Variants in ABCF1 observed in about 807,000 individuals in gnomAD.
ABCF1 encodes the protein ATP binding cassette subfamily F member 1, also known as ATP-binding cassette sub-family F member 1.
Under a neutral mutation model 126.3 loss-of-function variants are expected in ABCF1, and 73 were observed. The ratio of observed to expected loss-of-function variants is 0.58; its 90% CI spans 0.48 to 0.70. ABCF1 has a LOEUF of 0.70. Among genes scored for constraint, ABCF1 ranks in the 30% least tolerant of loss-of-function variants. The pLI is 0.00. For synonymous variants in ABCF1, 345 were observed against 396.4 expected (o/e 0.87, Z 1.54); for missense variants, 786 against 1,057.5 (o/e 0.74, Z 3.56).
Position 30,590,587 on chromosome 6 carries a change from G to C in ABCF1, c.2424G>C (p.Gln808His), listed in dbSNP as rs770070204. 6.2e-7 allele frequency: 1 copy of C among 1,613,018 alleles called. No individual in the cohort carries two copies. Among genetic ancestry groups the C allele is most frequent in the Non-Finnish European group, 8.5e-7 (1 of 1,179,994 alleles). Residue 808 changes from glutamine to histidine, a missense_variant, in exon 25 of 25, where the codon CAG becomes CAC. By Grantham distance (24) the Gln-to-His change is conservative. Transcript: ENST00000326195. ...DARLITETNC[Q>H]LWVVEEQSVS... ...GACTCATCACAGAAACCAATTGCCAGCTGTGGGTGGTGGAGGAGCAGAGTG... is the reference window on the plus strand; with the variant it reads ...GACTCATCACAGAAACCAATTGCCACCTGTGGGTGGTGGAGGAGCAGAGTG...
At chr6:30,571,635 C>T in intron 1 of ABCF1, 75 bp downstream of exon 1, 3 of 1,500,336 alleles carry the variant, frequency 2.0e-6, no homozygotes, top group South Asian at 1.2e-5. Context: ...AAGAGAGGGT[C>T]ATGGGGCACG....
In ABCF1 at chr6:30,589,941, C is replaced by T. The variant is rs1166902373; in HGVS notation, c.2200C>T (p.His734Tyr). ...CCTGGGCCGCTTCGGCCTGGAGAGT[C>T]ACGCCCACACCATCCAGATCTGCAA... ...KCLGRFGLES[H>Y]AHTIQICKLS... Residue 734 changes from histidine (H) to tyrosine (Y), a missense_variant, in exon 22 of 25, where the codon CAC (histidine) becomes TAC (tyrosine). Physicochemically the swap from His to Tyr is moderately conservative, Grantham distance 83. Transcript: ENST00000326195. 6.2e-7 allele frequency: 1 copy of T among 1,613,764 alleles called. No individual in the cohort carries two copies. The highest frequency in any genetic ancestry group is 1.3e-5 in the African/African-American group (1 of 74,934).
chr6:30,575,163 A>G (rs1179334436), intron 1 of ABCF1, among the ~76,000 whole-genome samples: 1 of 143,616 alleles, frequency 7.0e-6, no homozygotes, highest in Non-Finnish European at 1.5e-5. Flanking sequence ...TCCACCTCCC[A>G]GGTACAAGCG....
rs1256673964 is a variant in ABCF1 at position 30,590,132 on chromosome 6, CCCTT to C, written c.2234-12_2234-9del. 3.7e-6 allele frequency: 6 copies of C among 1,612,884 alleles called. No homozygotes were observed. In the East Asian group the frequency reaches 1.1e-4, roughly 30 times the overall value. ...TGAGGTGCTAGGTGTGACAGCCCTCCCCTTCCTTTGCTACAGGTGGTCAGAAGGC... is the reference window on the plus strand; with the variant it reads ...TGAGGTGCTAGGTGTGACAGCCCTCCCCTTTGCTACAGGTGGTCAGAAGGC... On this transcript the variant is annotated splice_polypyrimidine_tract_variant and intron_variant, in intron 22 of 24. Transcript: ENST00000326195.
chr6:30,583,146 G>A lies in ABCF1; in HGVS notation c.873G>A (p.Met291Ile), dbSNP rs772442028. The A allele has an allele frequency of 7.4e-6, 12 of 1,611,220 alleles. No homozygotes were observed. The highest frequency in any genetic ancestry group is 1.7e-6 in the Non-Finnish European group (2 of 1,178,574). The part of the protein sequence containing the change: ...ENDFSVSQAE[M>I]SSRQAMLENA... ...ACTTCTCCGTGTCCCAGGCGGAGAT[G>A]TCCTCCCGCCAAGCCATGTTAGAAA... Residue 291 changes from methionine to isoleucine, a missense_variant, in exon 10 of 25, where the codon ATG becomes ATA. Met to Ile is a conservative substitution (Grantham distance 10). Transcript: ENST00000326195. This position sits in a 1 kb window ranked among gnomAD's most constrained non-coding sequence, Gnocchi z 4.1.
chr6:30,572,380 A>G (rs1344795906), intron 1 of ABCF1, among the ~76,000 whole-genome samples: 1 of 152,240 alleles, frequency 6.6e-6, no homozygotes, highest in Non-Finnish European at 1.5e-5. Flanking sequence ...CATTAACCAG[A>G]CAGACAGTGG....
Position 30,586,684 on chromosome 6 carries a change from CCTG to C in ABCF1, c.2011_2013del (p.Leu671del). 1.2e-6 allele frequency: 2 copies of C among 1,613,814 alleles called. No homozygotes were observed. The highest frequency in any genetic ancestry group is 1.7e-6 in the Non-Finnish European group (2 of 1,180,028). ...ATGGTGTGGGGAAGAGTACGCTACT[CCTG>C]CTGCTGACTGGCAAGCTGACACCGG... On this transcript the variant is annotated inframe_deletion, in exon 20 of 25. Coordinates refer to ENST00000326195, the MANE Select transcript of ABCF1 (RefSeq NM_001025091.2). The surrounding 1 kb of genome is among the most constrained non-coding windows in gnomAD (Gnocchi z 4.9).
chr6:30,584,560 T>C lies in ABCF1; in HGVS notation c.1385T>C (p.Leu462Pro). 6.3e-7 allele frequency: 1 copy of C among 1,596,670 alleles called. No homozygotes were observed. The highest frequency in any genetic ancestry group is 8.5e-7 in the Non-Finnish European group (1 of 1,170,938). The stretch of plus-strand genomic sequence containing the variant: ...GGGGGCTGGCGCATGCGTGTCTCCC[T>C]GGCCAGGTGGGCCATTCACCTCACT... ...FSGGWRMRVSLARALFMEPTL... is the reference protein window; with the variant it reads ...FSGGWRMRVSPARALFMEPTL... The change falls in exon 14 of 25, where the codon CTG becomes CCG. Residue 462 changes from leucine (L) to proline (P), a missense_variant. Leu to Pro is a moderately conservative substitution (Grantham distance 98, BLOSUM62 -3). This residue lies in a region of ABCF1 where 163 missense variants were observed against 255.3 expected (regional missense o/e 0.64). Coordinates refer to ENST00000326195, the MANE Select transcript of ABCF1 (RefSeq NM_001025091.2). This position sits in a 1 kb window ranked among gnomAD's most constrained non-coding sequence, Gnocchi z 4.6.
intron 8 of ABCF1, among the ~76,000 whole-genome samples, chr6:30,581,072 C>A (rs934457370): frequency 7.9e-5 from 12 of 151,526 alleles, no homozygotes; most frequent in African/African-American, 2.9e-4. Context: ...TTTAACAACT[C>A]TTTGAAAATA....
Position 30,578,278 on chromosome 6 carries a change from A to G in ABCF1, c.344-70A>G, listed in dbSNP as rs780907857. 1.6e-4 allele frequency: 262 copies of G among 1,613,534 alleles called. No homozygotes were observed. Among genetic ancestry groups the G allele is most frequent in the Non-Finnish European group, 2.2e-4 (257 of 1,179,736 alleles). The stretch of plus-strand genomic sequence containing the variant: ...GTGATACCTCATACCCTGATCTTCA[A>G]GTTGGATTCAATTGGGGGGCCAGAC... On this transcript the variant is annotated intron_variant, in intron 4 of 24. Transcript: ENST00000326195.
chr6:30,578,045 C>T (rs369802791), intron 3 of ABCF1, 31 bp from the exon 4 acceptor site: 48 of 1,613,822 alleles, frequency 3.0e-5, no homozygotes, highest in Non-Finnish European at 3.8e-5. Context: ...GCCTGGGCTT[C>T]ATTTTCTCAC....
At chr6:30,571,937 A>G (rs903556903) in intron 1 of ABCF1, among the ~76,000 whole-genome samples, 9 of 152,058 alleles carry the variant, frequency 5.9e-5, no homozygotes, top group African/African-American at 2.2e-4. Context: ...CTGCGCGCGC[A>G]TACACACACC....
intron 1 of ABCF1, among the ~76,000 whole-genome samples, chr6:30,575,707 G>A (rs1801461835): frequency 6.6e-6 from 1 of 151,918 alleles, no homozygotes; most frequent in Admixed American, 6.6e-5. Context: ...GAACAAGTAA[G>A]GCATAGACTG....
rs773932397 is a variant in ABCF1 at position 30,590,902 on chromosome 6, T to C, written c.*201T>C. 18 of 557,350 alleles carry C rather than the reference T, an allele frequency of 3.2e-5. No homozygotes were observed. The highest frequency in any genetic ancestry group is 5.5e-5 in the Non-Finnish European group (18 of 327,442). 34.5% of individuals were successfully genotyped at this position (557,350 alleles called of 1,614,324 possible). On this transcript the variant is annotated 3_prime_UTR_variant, in exon 25 of 25. Coordinates refer to ENST00000326195, the MANE Select transcript of ABCF1 (RefSeq NM_001025091.2). The stretch of plus-strand genomic sequence containing the variant: ...TCTCTGAAAGACTTGTTTGTTCTGC[T>C]TCTCTTCATATAACTGAGCTGGCCT...
In ABCF1 at chr6:30,578,117, G is replaced by C. The variant is rs1308708232; in HGVS notation, c.258G>C (p.Lys86Asn). Residue 86 changes from lysine (K) to asparagine (N), a missense_variant, in exon 4 of 25, where the codon AAG becomes AAC. By Grantham distance (94) the Lys-to-Asn change is moderately conservative. This residue lies in a region of ABCF1 where 322 missense variants were observed against 322.9 expected (regional missense o/e 1.00). Transcript: ENST00000326195. Reference sequence around the variant, plus strand: ...ATACCCGAAAAGGCAGGCGGAAGAAGGATGTGGATGATGATGGAGAAGAGA... The same window carrying C: ...ATACCCGAAAAGGCAGGCGGAAGAACGATGTGGATGATGATGGAGAAGAGA... The part of the protein sequence containing the change: ...KRDTRKGRRK[K>N]DVDDDGEEKE... 7 of 1,614,036 alleles carry C rather than the reference G, an allele frequency of 4.3e-6. No homozygotes were observed. The highest frequency in any genetic ancestry group is 5.9e-6 in the Non-Finnish European group (7 of 1,180,032).
Position 30,591,102 on chromosome 6 carries a change from T to G in ABCF1, c.*401T>G. On this transcript the variant is annotated 3_prime_UTR_variant, in exon 25 of 25. Transcript: ENST00000326195. ...CCAGTCTTTGGGTGGTGCTGTTCTTTTCTGGTGGATTTAATGCTGACTCAC... is the reference window on the plus strand; with the variant it reads ...CCAGTCTTTGGGTGGTGCTGTTCTTGTCTGGTGGATTTAATGCTGACTCAC... 5.6e-6 allele frequency: 1 copy of G among 180,080 alleles called. No homozygotes were observed. The highest frequency in any genetic ancestry group is 1.1e-5 in the Non-Finnish European group (1 of 87,116). 11.2% of individuals were successfully genotyped at this position (180,080 alleles called of 1,614,324 possible).
Position 30,577,881 on chromosome 6 carries a change from A to AAGGAGCAGC in ABCF1, c.187_195dup (p.Glu63_Gln65dup). 5 of 1,614,024 alleles carry AAGGAGCAGC rather than the reference A, an allele frequency of 3.1e-6. No individual in the cohort carries two copies. Among genetic ancestry groups the AAGGAGCAGC allele is most frequent in the Non-Finnish European group, 4.2e-6 (5 of 1,180,020 alleles). Reference sequence around the variant, plus strand: ...GGAAGAAGAGAAAGTGCTCAAGGAGAAGGAGCAGCAGCAGCAGCAACAGCA... The same window carrying AAGGAGCAGC: ...GGAAGAAGAGAAAGTGCTCAAGGAGAAGGAGCAGCAGGAGCAGCAGCAGCAGCAACAGCA... On this transcript the variant is annotated inframe_insertion, in exon 3 of 25. Transcript: ENST00000326195.
intron 1 of ABCF1, among the ~76,000 whole-genome samples, chr6:30,575,078 T>C (rs979639622): frequency 6.8e-6 from 1 of 147,884 alleles, no homozygotes; most frequent in South Asian, 2.1e-4. Context: ...TTTCTTTTTT[T>C]TTTTTTTTTT....
intron 20 of ABCF1, among the ~76,000 whole-genome samples, chr6:30,587,595 A>G (rs771638585): frequency 1.2e-4 from 18 of 151,784 alleles, no homozygotes; most frequent in Non-Finnish European, 2.6e-4. Flanking sequence ...AGATTGCGCT[A>G]TTGCACTCCA....
Sources: gnomAD v4.1 joint callset for allele counts (sites outside exome capture counted in the v4.1 genomes callset) on GRCh38, gnomAD v4.1.1 for gene constraint, gnomAD v4.1.1 regional missense constraint, Gnocchi (gnomAD v3.1) non-coding constraint, MANE v1.5 for transcripts, NCBI Gene and HGNC (gene_info 2026-07-23, HGNC 2026-07-21) for gene names.